Variants in WWC2 observed in about 807,000 individuals in gnomAD.
WWC2 encodes WW and C2 domain containing 2.
In WWC2, 101 loss-of-function variants were observed where a neutral mutation model predicts 138.5. The ratio of observed to expected loss-of-function variants is 0.73; its 90% CI spans 0.62 to 0.86. The LOEUF is 0.86. WWC2 is among the 40% of genes least tolerant of loss of function. WWC2 has a pLI of 0.00. For synonymous variants in WWC2, 558 were observed against 538.4 expected, an observed-to-expected ratio of 1.04 and a Z score of -0.50; for missense variants, 1,420 against 1,419.4, an observed-to-expected ratio of 1.00 and a Z score of -0.01.
intron 1 of WWC2, among the ~76,000 whole-genome samples, chr4:183,148,436 T>C (rs1201978001): frequency 2.0e-5 from 3 of 152,194 alleles, no homozygotes; most frequent in African/African-American, 4.8e-5. Context: ...TTTAATATAA[T>C]GTAAAGAACA....
intron 1 of WWC2, among the ~76,000 whole-genome samples, chr4:183,116,785 AATTT>A: frequency 6.6e-6 from 1 of 152,234 alleles, no homozygotes; most frequent in South Asian, 2.1e-4. Flanking sequence ...ACTTTTTCAG[AATTT>A]ATTATTTTCT....
At chr4:183,190,207 C>T (rs915549311) in intron 1 of WWC2, among the ~76,000 whole-genome samples, 1 of 152,030 alleles carries the variant, frequency 6.6e-6, no homozygotes, top group Non-Finnish European at 1.5e-5. Flanking sequence ...AGGGAACCAA[C>T]CAAAAACAAA....
chr4:183,220,713 A>G (rs979541852), intron 4 of WWC2, among the ~76,000 whole-genome samples: 2 of 152,004 alleles, frequency 1.3e-5, no homozygotes, highest in African/African-American at 2.4e-5. Flanking sequence ...GGGCGCCTGT[A>G]GTCCCAGCTA....
chr4:183,149,900 T>A (rs1244321198), intron 1 of WWC2, among the ~76,000 whole-genome samples: 2 of 152,214 alleles, frequency 1.3e-5, no homozygotes, highest in Non-Finnish European at 2.9e-5. Flanking sequence ...TTCATTTGTT[T>A]GCTCAAACAT....
At chr4:183,206,450 A>G (rs1009368498) in intron 2 of WWC2, among the ~76,000 whole-genome samples, 3 of 152,194 alleles carry the variant, frequency 2.0e-5, no homozygotes, top group Non-Finnish European at 4.4e-5. Flanking sequence ...CTTAAGTCAC[A>G]ATACCATAGT....
chr4:183,186,759 A>T, intron 1 of WWC2, among the ~76,000 whole-genome samples: 1 of 152,018 alleles, frequency 6.6e-6, no homozygotes, highest in East Asian at 1.9e-4. Flanking sequence ...GAGACAACAC[A>T]GTTGTGTTCA....
intron 4 of WWC2, among the ~76,000 whole-genome samples, chr4:183,226,150 G>A (rs1359564299): frequency 2.1e-5 from 3 of 145,628 alleles, no homozygotes; most frequent in African/African-American, 7.7e-5. Flanking sequence ...CAGGCTGAGT[G>A]CAGTGGTGGA....
chr4:183,179,805 C>T (rs1734572224), intron 1 of WWC2, among the ~76,000 whole-genome samples: 1 of 152,110 alleles, frequency 6.6e-6, no homozygotes, highest in Non-Finnish European at 1.5e-5. Flanking sequence ...GGAAACGTCT[C>T]TCTGGAAATC....
intron 1 of WWC2, among the ~76,000 whole-genome samples, chr4:183,181,979 G>T (rs1242706568): frequency 6.6e-6 from 1 of 151,934 alleles, no homozygotes; most frequent in Non-Finnish European, 1.5e-5. Context: ...AGTATACATA[G>T]AGTTTATTTA....
intron 1 of WWC2, among the ~76,000 whole-genome samples, chr4:183,147,319 A>G (rs571970790): frequency 6.6e-5 from 10 of 152,232 alleles, no homozygotes; most frequent in Non-Finnish European, 1.3e-4. Context: ...GAAGCTAAGT[A>G]ATTTGCCCAA....
At chr4:183,139,263 T>C (rs1579977891) in intron 1 of WWC2, among the ~76,000 whole-genome samples, 1 of 152,228 alleles carries the variant, frequency 6.6e-6, no homozygotes, top group South Asian at 2.1e-4. Context: ...GGACAGTCAC[T>C]TCCTTGGTGA....
chr4:183,207,970 G>A lies in WWC2; in HGVS notation c.259G>A (p.Asp87Asn). Residue 87 changes from aspartate (D) to asparagine (N), a missense_variant, in exon 3 of 23, where the codon GAT becomes AAT. By Grantham distance (23) the Asp-to-Asn change is conservative (BLOSUM62 1). Coordinates refer to ENST00000403733, the MANE Select transcript of WWC2 (RefSeq NM_024949.6). ...DHINKTTQIE[D>N]PRKQWRGEQE... ...GTTTTCAGAAACCACGCAGATAGAA[G>A]ATCCAAGAAAACAATGGAGGGGGGA... The A allele has an allele frequency of 6.2e-7, 1 of 1,610,330 alleles. No individual in the cohort carries two copies. The highest frequency in any genetic ancestry group is 8.5e-7 in the Non-Finnish European group (1 of 1,178,308).
chr4:183,310,599 C>G (rs1739179428), intron 21 of WWC2, among the ~76,000 whole-genome samples: 2 of 151,786 alleles, frequency 1.3e-5, no homozygotes, highest in African/African-American at 4.8e-5. Flanking sequence ...CTCCCAGGCT[C>G]AAGTGATCCT....
At chr4:183,302,510 T>TTGA in intron 21 of WWC2, among the ~76,000 whole-genome samples, 1 of 152,204 alleles carries the variant, frequency 6.6e-6, no homozygotes, top group Non-Finnish European at 1.5e-5. Flanking sequence ...TGAGTCAATG[T>TTGA]CGACGTCGAT....
chr4:183,234,091 CA>C (rs1355044421), intron 4 of WWC2, among the ~76,000 whole-genome samples: 1 of 152,204 alleles, frequency 6.6e-6, no homozygotes, highest in Admixed American at 6.5e-5. Context: ...ACTTTTCCTT[CA>C]TTGTCATCTT....
At chr4:183,104,236 G>A (rs549877349) in intron 1 of WWC2, among the ~76,000 whole-genome samples, 11 of 152,194 alleles carry the variant, frequency 7.2e-5, no homozygotes, top group East Asian at 3.9e-4. Flanking sequence ...TGGAGTCCCC[G>A]ATTGCTTATT....
chr4:183,128,576 C>T (rs1732832597), intron 1 of WWC2, among the ~76,000 whole-genome samples: 1 of 152,148 alleles, frequency 6.6e-6, no homozygotes, highest in Non-Finnish European at 1.5e-5. Context: ...TGTTCTTCAC[C>T]TTCATCATTT....
At chr4:183,110,110 T>C (rs1193419014) in intron 1 of WWC2, among the ~76,000 whole-genome samples, 2 of 152,214 alleles carry the variant, frequency 1.3e-5, no homozygotes, top group Non-Finnish European at 2.9e-5. Flanking sequence ...GCTTTTGTGG[T>C]GTAGAGACAG....
chr4:183,250,592 C>G (rs1051414904), intron 8 of WWC2, among the ~76,000 whole-genome samples: 4 of 151,850 alleles, frequency 2.6e-5, no homozygotes, highest in Non-Finnish European at 4.4e-5. Flanking sequence ...AAGAAACTTC[C>G]GTCTCAACAA....
Sources: allele counts gnomAD v4.1 joint callset (sites outside exome capture counted in the v4.1 genomes callset), GRCh38; gene constraint gnomAD v4.1.1; transcripts MANE v1.5; gene names NCBI Gene and HGNC (gene_info 2026-07-23, HGNC 2026-07-21).